ADNP: variants seen among roughly 807,000 people sequenced by gnomAD.
The protein encoded by ADNP is activity dependent neuroprotector homeobox.
In ADNP, 4 loss-of-function variants were observed where a neutral mutation model predicts 84.9. The observed-to-expected ratio is 0.05, with a 90% CI of 0.02 to 0.11. The LOEUF (loss-of-function observed/expected upper bound fraction) is 0.11, where lower values mean the gene tolerates loss of function less well. Ranked by LOEUF, ADNP falls within the 10% of genes least tolerant of loss-of-function variation. The pLI is 1.00. For synonymous variants in ADNP, 554 were observed against 468.1 expected, an observed-to-expected ratio of 1.18 and a Z score of -2.37; for missense variants, 1,132 against 1,326.0, an observed-to-expected ratio of 0.85 and a Z score of 2.27.
chr20:50,915,554 G>C (rs531165828), intron 2 of ADNP, among the ~76,000 whole-genome samples: 75 of 152,150 alleles, frequency 4.9e-4, no homozygotes, highest in Non-Finnish European at 9.6e-4. Flanking sequence ...TATAAGCTTG[G>C]GCAAAAGAGC....
At chr20:50,912,899 G>A (rs1056164360) in intron 2 of ADNP, among the ~76,000 whole-genome samples, 3 of 152,076 alleles carry the variant, frequency 2.0e-5, no homozygotes, top group African/African-American at 7.2e-5. Flanking sequence ...CCTGGGGTTG[G>A]GAGAAGAGAA....
intron 1 of ADNP, among the ~76,000 whole-genome samples, chr20:50,929,244 G>C (rs1390380761): frequency 6.6e-6 from 1 of 152,196 alleles, no homozygotes; most frequent in Non-Finnish European, 1.5e-5. Flanking sequence ...TTCAAAACTT[G>C]AGGTGGAAGA....
intron 5 of ADNP, among the ~76,000 whole-genome samples, chr20:50,899,354 G>A (rs1981729171): frequency 6.6e-6 from 1 of 151,970 alleles, no homozygotes; most frequent in Admixed American, 6.6e-5. Context: ...GGGATTACAG[G>A]CATCTGCCAC....
intron 2 of ADNP, among the ~76,000 whole-genome samples, chr20:50,915,205 CT>C (rs1266510800): frequency 6.6e-6 from 1 of 152,012 alleles, no homozygotes; most frequent in Non-Finnish European, 1.5e-5. Flanking sequence ...CTGCCTTTAC[CT>C]CAGCAACATA....
chr20:50,900,910 T>G (rs1176626150), intron 5 of ADNP, among the ~76,000 whole-genome samples: 1 of 152,210 alleles, frequency 6.6e-6, no homozygotes, highest in Non-Finnish European at 1.5e-5. Context: ...TCAAAAGAGC[T>G]AATGAAGTAA....
chr20:50,922,578 G>GT (rs58775431), intron 2 of ADNP, among the ~76,000 whole-genome samples: 34,125 of 125,324 alleles, frequency 0.27, 4,709 homozygotes, highest in Non-Finnish European at 0.29. Flanking sequence ...GTCCTCCTGC[G>GT]TTTTTTTTTT....
At chr20:50,924,540 T>G (rs1984163299) in intron 2 of ADNP, among the ~76,000 whole-genome samples, 3 of 152,198 alleles carry the variant, frequency 2.0e-5, no homozygotes, top group African/African-American at 4.8e-5. Context: ...TCATTGTATG[T>G]GGTAGTGCCT....
chr20:50,925,215 A>G (rs191026737), intron 2 of ADNP, among the ~76,000 whole-genome samples: 12 of 152,014 alleles, frequency 7.9e-5, no homozygotes, highest in Admixed American at 7.9e-4. Context: ...CCTGCAATCA[A>G]AACTGTCACT....
intron 2 of ADNP, among the ~76,000 whole-genome samples, chr20:50,927,668 T>G (rs1984382177): frequency 6.6e-6 from 1 of 152,266 alleles, no homozygotes; most frequent in Middle Eastern, 3.4e-3. Flanking sequence ...AGTTTTGGGA[T>G]TACAGGCGTA....
In ADNP at chr20:50,930,293, GGAA is replaced by G. The variant is rs3833306; in HGVS notation, c.-265+530_-265+532del. On this transcript the variant is annotated intron_variant, in intron 1 of 5. Transcript: ENST00000621696. Reference sequence around the variant, plus strand: ...GATAAGAGGAAAGCTGGCAGGTTGGGGAAGAAGGATTGCACAGGGGAGGCAAAG... The same window carrying G: ...GATAAGAGGAAAGCTGGCAGGTTGGGGAAGGATTGCACAGGGGAGGCAAAG... Among the ~76,000 whole-genome samples the G allele has an allele frequency of 1.7e-3, 260 of 152,232 alleles. 6 individuals are homozygous for G. In the East Asian group the frequency reaches 0.046, roughly 27 times the overall value.
chr20:50,902,887 G>A (rs1228386797), intron 4 of ADNP, among the ~76,000 whole-genome samples: 1 of 152,202 alleles, frequency 6.6e-6, no homozygotes, highest in Non-Finnish European at 1.5e-5. Flanking sequence ...AGATCTACCT[G>A]AACTCTGGGG....
In ADNP at chr20:50,926,134, G is replaced by T. The variant is rs148973482; in HGVS notation, c.-90+2517C>A. Among the ~76,000 whole-genome samples the T allele has an allele frequency of 3.4e-3, 512 of 152,190 alleles. 5 individuals carry two copies. Among genetic ancestry groups the T allele is most frequent in the African/African-American group, 0.012 (496 of 41,540 alleles). On this transcript the variant is annotated intron_variant, in intron 2 of 5. Transcript: ENST00000621696. Reference sequence around the variant, plus strand: ...CAAACAACACACAAAAACTAGGGGAGGAAAAACTTTAAGTTTATACGATGC... The same window carrying T: ...CAAACAACACACAAAAACTAGGGGATGAAAAACTTTAAGTTTATACGATGC...
chr20:50,904,280 C>A, intron 3 of ADNP: 1 of 342,338 alleles, frequency 2.9e-6, no homozygotes. Context: ...CTGCAGTGCA[C>A]TCACGATTCA....
At chr20:50,930,369 C>G (rs1255194072) in intron 1 of ADNP, among the ~76,000 whole-genome samples, 1 of 152,098 alleles carries the variant, frequency 6.6e-6, no homozygotes, top group Non-Finnish European at 1.5e-5. Flanking sequence ...ACCCCGTCCC[C>G]CCTCCCCCAG....
chr20:50,912,453 A>G (rs990088262), intron 2 of ADNP, among the ~76,000 whole-genome samples: 5 of 152,058 alleles, frequency 3.3e-5, no homozygotes, highest in African/African-American at 9.7e-5. Context: ...CCTAGCTTCA[A>G]ACTTTTTATT....
intron 2 of ADNP, among the ~76,000 whole-genome samples, chr20:50,926,877 T>C (rs1395724717): frequency 6.6e-6 from 1 of 152,212 alleles, no homozygotes; most frequent in African/African-American, 2.4e-5. Flanking sequence ...ATCTTCCTTA[T>C]TAAGTTGCAA....
At chr20:50,927,667 A>T (rs1483357088) in intron 2 of ADNP, among the ~76,000 whole-genome samples, 1 of 151,570 alleles carries the variant, frequency 6.6e-6, no homozygotes, top group Non-Finnish European at 1.5e-5. Flanking sequence ...AAGTTTTGGG[A>T]TTACAGGCGT....
chr20:50,904,147 A>G, intron 3 of ADNP, 146 bp from the exon 4 acceptor site: 1 of 617,914 alleles, frequency 1.6e-6, no homozygotes, highest in Non-Finnish European at 2.9e-6. Context: ...ACACACAGAC[A>G]CACACCTGCT....
chr20:50,910,213 T>A (rs1982899229), intron 2 of ADNP, among the ~76,000 whole-genome samples: 1 of 152,154 alleles, frequency 6.6e-6, no homozygotes, highest in Admixed American at 6.5e-5. Flanking sequence ...TCTGATTTCA[T>A]GAAGTAAAAA....
Sources: allele counts gnomAD v4.1 joint callset (sites outside exome capture counted in the v4.1 genomes callset), GRCh38; gene constraint gnomAD v4.1.1; transcripts MANE v1.5; gene names NCBI Gene and HGNC (gene_info 2026-07-23, HGNC 2026-07-21).